The following LEPR variants were observed in gnomAD, a reference collection of about 807,000 sequenced individuals.
LEPR encodes the protein leptin receptor, also known as OB receptor.
In LEPR, 56 loss-of-function variants were observed where a neutral mutation model predicts 114.7. The ratio of observed to expected loss-of-function variants is 0.49; its 90% CI spans 0.39 to 0.61. LEPR has a LOEUF of 0.61. Among genes scored for constraint, LEPR ranks in the 20% least tolerant of loss-of-function variants. The pLI is 0.00. For missense variants in LEPR, 1,202 were observed against 1,352.9 expected, an observed-to-expected ratio of 0.89 and a Z score of 1.75; for synonymous variants, 443 against 461.4, an observed-to-expected ratio of 0.96 and a Z score of 0.51.
chr1:65,604,829 G>T (rs911867098), intron 10 of LEPR, among the ~76,000 whole-genome samples: 1 of 152,144 alleles, frequency 6.6e-6, no homozygotes. Flanking sequence ...AGAATCTAAT[G>T]CCTGGTGATC....
chr1:65,572,315 TTTA>T lies in LEPR; in HGVS notation c.371-10_371-8del. The stretch of plus-strand genomic sequence containing the variant: ...GTTTTTTTTTTTTTTTTTTTTTTTT[TTTA>T]AATTCAGATGCAAACTGGAACATAC... On this transcript the variant is annotated splice_region_variant and splice_polypyrimidine_tract_variant and intron_variant, in intron 4 of 19. Coordinates refer to ENST00000349533, the MANE Select transcript of LEPR (RefSeq NM_002303.6). 7.5e-6 allele frequency: 11 copies of T among 1,469,928 alleles called. No individual in the cohort carries two copies. Among genetic ancestry groups the T allele is most frequent in the East Asian group, 2.6e-5 (1 of 38,422 alleles). The allele number at this position is 1,469,928 out of a possible 1,614,324, so 91.1% of individuals were successfully genotyped here.
intron 2 of LEPR, among the ~76,000 whole-genome samples, chr1:65,492,841 T>C (rs1199197752): frequency 6.6e-6 from 1 of 151,572 alleles, no homozygotes; most frequent in Non-Finnish European, 1.5e-5. Flanking sequence ...AAAGTGAATA[T>C]TTATTTATTT....
intron 14 of LEPR, 146 bp from the exon 15 acceptor site, chr1:65,615,862 T>G (rs560609050): frequency 9.5e-7 from 1 of 1,051,878 alleles, no homozygotes; most frequent in East Asian, 2.6e-5. Flanking sequence ...CCCACCCATC[T>G]CCCCAGCCTC....
In LEPR at chr1:65,457,468, C is replaced by T. The variant is rs747869282; in HGVS notation, c.-21+32090C>T. ...GTCTCAGAAATTCTTTCCTCAGCCA[C>T]GTTCACTCTACTAATAAGCCATCAA... On this transcript the variant is annotated intron_variant, in intron 2 of 19. Coordinates refer to ENST00000349533, the MANE Select transcript of LEPR (RefSeq NM_002303.6). Among the ~76,000 whole-genome samples the T allele has an allele frequency of 8.5e-5, 13 of 152,210 alleles. 1 individual carries two copies. In the South Asian group the frequency reaches 1.0e-3, roughly 12 times the overall value.
intron 2 of LEPR, among the ~76,000 whole-genome samples, chr1:65,453,220 C>T (rs1323737189): frequency 1.3e-5 from 2 of 151,920 alleles, no homozygotes; most frequent in Non-Finnish European, 2.9e-5. Flanking sequence ...TTGATCCTTT[C>T]AAAAAACCAG....
intron 2 of LEPR, among the ~76,000 whole-genome samples, chr1:65,506,785 T>C (rs1213505420): frequency 6.6e-6 from 1 of 152,210 alleles, no homozygotes; most frequent in Non-Finnish European, 1.5e-5. Context: ...TATTTATCAT[T>C]TCTTTGTGGT....
At chr1:65,430,044 C>T (rs1401867533) in intron 2 of LEPR, 1 of 1,556,280 alleles carries the variant, frequency 6.4e-7, no homozygotes, top group African/African-American at 1.4e-5. Context: ...GCTCGTGTGG[C>T]TGTGGTAAGT....
At chr1:65,532,228 C>A (rs1230082730) in intron 2 of LEPR, among the ~76,000 whole-genome samples, 1 of 152,128 alleles carries the variant, frequency 6.6e-6, no homozygotes, top group Non-Finnish European at 1.5e-5. Flanking sequence ...ACTAAGACAA[C>A]TCTCTGGGGC....
intron 2 of LEPR, among the ~76,000 whole-genome samples, chr1:65,459,168 C>T (rs925438196): frequency 1.5e-4 from 23 of 152,186 alleles, no homozygotes; most frequent in East Asian, 7.7e-4. Flanking sequence ...GGTCGTTGTC[C>T]ACAGTATGTG....
Position 65,570,719 on chromosome 1 carries a change from A to G in LEPR, c.287A>G (p.Asp96Gly), listed in dbSNP as rs1654093668. The stretch of plus-strand genomic sequence containing the variant: ...CACTGTTGCTTTCGGAGTGAGCAAG[A>G]TAGAAACTGCTCCTTATGTGCAGAC... ...TFHCCFRSEQ[D>G]RNCSLCADNI... is the part of the protein sequence containing the mutation. Residue 96 changes from aspartate to glycine, a missense_variant, in exon 4 of 20, where the codon GAT becomes GGT. Asp to Gly is a moderately conservative substitution (Grantham distance 94). Transcript: ENST00000349533. 6.2e-7 allele frequency: 1 copy of G among 1,611,844 alleles called. No individual in the cohort carries two copies. Among genetic ancestry groups the G allele is most frequent in the African/African-American group, 1.3e-5 (1 of 74,900 alleles).
intron 2 of LEPR, among the ~76,000 whole-genome samples, chr1:65,481,663 G>C (rs756398001): frequency 6.6e-6 from 1 of 151,772 alleles, no homozygotes; most frequent in Non-Finnish European, 1.5e-5. Flanking sequence ...AAAAATCCCA[G>C]ACTTTATATT....
At chr1:65,628,449 C>A (rs1158033621) in intron 19 of LEPR, among the ~76,000 whole-genome samples, 1 of 152,182 alleles carries the variant, frequency 6.6e-6, no homozygotes, top group East Asian at 1.9e-4. Flanking sequence ...AATGCTGTAG[C>A]CTGTGTTTGT....
At chr1:65,548,031 G>T (rs1162274065) in intron 2 of LEPR, among the ~76,000 whole-genome samples, 4 of 151,658 alleles carry the variant, frequency 2.6e-5, no homozygotes, top group Admixed American at 6.6e-5. Context: ...TGGTTTCAAA[G>T]AACATCTTTA....
chr1:65,474,656 C>G (rs1488397018), intron 2 of LEPR, among the ~76,000 whole-genome samples: 2 of 152,092 alleles, frequency 1.3e-5, no homozygotes, highest in Admixed American at 6.5e-5. Context: ...ATTTCCCAGT[C>G]CACAGCCAAA....
At chr1:65,541,739 GAGAT>G (rs1379376724) in intron 2 of LEPR, among the ~76,000 whole-genome samples, 4 of 152,240 alleles carry the variant, frequency 2.6e-5, no homozygotes, top group Non-Finnish European at 5.9e-5. Flanking sequence ...ATTTAAGTGA[GAGAT>G]AGACAGATGC....
chr1:65,455,640 C>A (rs551546314), intron 2 of LEPR, among the ~76,000 whole-genome samples: 79 of 152,326 alleles, frequency 5.2e-4, no homozygotes, highest in Non-Finnish European at 8.8e-4. Flanking sequence ...TCTGTCCGTT[C>A]TCAGATCTCC....
At chr1:65,467,569 G>C (rs1179140131) in intron 2 of LEPR, among the ~76,000 whole-genome samples, 1 of 152,200 alleles carries the variant, frequency 6.6e-6, no homozygotes, top group African/African-American at 2.4e-5. Context: ...TCGCTTCAGA[G>C]CTGTCAGATA....
intron 2 of LEPR, among the ~76,000 whole-genome samples, chr1:65,488,107 C>CTCTTTCTTTCTTTCTT (rs1202835041): frequency 5.2e-4 from 63 of 121,600 alleles, no homozygotes; most frequent in African/African-American, 2.1e-3. Flanking sequence ...TTCTTTCTTT[C>CTCTTTCTTTCTTTCTT]TCTTTCTTTC....
At chr1:65,625,715 T>A (rs1191055767) in intron 19 of LEPR, among the ~76,000 whole-genome samples, 1 of 152,064 alleles carries the variant, frequency 6.6e-6, no homozygotes, top group Non-Finnish European at 1.5e-5. Context: ...AGATGAACAA[T>A]CATTAACTAG....
Sources: allele counts gnomAD v4.1 joint callset (sites outside exome capture counted in the v4.1 genomes callset), GRCh38; gene constraint gnomAD v4.1.1; transcripts MANE v1.5; gene names NCBI Gene and HGNC (gene_info 2026-07-23, HGNC 2026-07-21).